Variants in BMP6 observed in about 807,000 individuals in gnomAD.
The protein encoded by BMP6 is bone morphogenetic protein 6.
A neutral mutation model predicts 54.1 loss-of-function variants in BMP6; 17 were observed. The observed-to-expected ratio is 0.31, with a 90% CI of 0.22 to 0.47. The LOEUF (loss-of-function observed/expected upper bound fraction) is 0.47, where lower values mean the gene tolerates loss of function less well. Ranked by LOEUF, BMP6 falls within the 20% of genes least tolerant of loss-of-function variation. The probability of loss-of-function intolerance (pLI) is 1.00; values close to 1 mark genes in which losing one functional copy is unlikely to be tolerated. For synonymous variants in BMP6, 328 were observed against 291.2 expected (o/e 1.13, Z -1.28); for missense variants, 720 against 690.4 (o/e 1.04, Z -0.48).
intron 1 of BMP6, among the ~76,000 whole-genome samples, chr6:7,839,626 A>G (rs979506194): frequency 6.6e-6 from 1 of 152,196 alleles, no homozygotes; most frequent in Non-Finnish European, 1.5e-5. Flanking sequence ...ATGTGGTACC[A>G]TGTGTCAGAA....
At chr6:7,854,384 T>TTA (rs1343630515) in intron 2 of BMP6, among the ~76,000 whole-genome samples, 1 of 148,474 alleles carries the variant, frequency 6.7e-6, no homozygotes, top group African/African-American at 2.5e-5. Flanking sequence ...AACATCTTTT[T>TTA]AAAAAAAAAA....
chr6:7,848,696 C>T lies in BMP6; in HGVS notation c.857+3364C>T, dbSNP rs565144126. Among the ~76,000 whole-genome samples, 4 of 152,272 alleles carry T rather than the reference C, an allele frequency of 2.6e-5. No homozygotes were observed. In the East Asian group the frequency reaches 7.7e-4, roughly 29 times the overall value. ...TTTCTGGGCAGTGGGCAAGAAGAAC[C>T]CATCAGGCTGCAACAATAGTCTGCA... is the stretch of plus-strand genomic sequence containing the variant. On this transcript the variant is annotated intron_variant, in intron 2 of 6. Transcript: ENST00000283147.
intron 2 of BMP6, among the ~76,000 whole-genome samples, chr6:7,847,742 G>A (rs1385396483): frequency 6.6e-6 from 1 of 152,106 alleles, no homozygotes; most frequent in Non-Finnish European, 1.5e-5. Context: ...GGAGGGTCAG[G>A]GAAGATTCTT....
chr6:7,807,817 C>G (rs934350859), intron 1 of BMP6, among the ~76,000 whole-genome samples: 4 of 151,880 alleles, frequency 2.6e-5, no homozygotes, highest in African/African-American at 9.7e-5. Context: ...TTCAGGTACA[C>G]TTTGAAGACA....
At chr6:7,770,892 C>A (rs368973838) in intron 1 of BMP6, among the ~76,000 whole-genome samples, 13 of 152,316 alleles carry the variant, frequency 8.5e-5, no homozygotes, top group African/African-American at 3.1e-4. Flanking sequence ...TGAGTGAATC[C>A]ATCTCTGTAG....
intron 1 of BMP6, among the ~76,000 whole-genome samples, chr6:7,788,871 G>GTTTT (rs10532545): frequency 2.4e-4 from 34 of 140,418 alleles, no homozygotes; most frequent in Middle Eastern, 7.8e-3. Context: ...TCCTATCTCT[G>GTTTT]TTTTTTTTTT....
chr6:7,871,722 G>T (rs569508249), intron 4 of BMP6, among the ~76,000 whole-genome samples: 1 of 152,354 alleles, frequency 6.6e-6, no homozygotes, highest in South Asian at 2.1e-4. Flanking sequence ...GACTGCAGCT[G>T]TGTCTGGGGA....
intron 1 of BMP6, among the ~76,000 whole-genome samples, chr6:7,739,358 T>A (rs1480116116): frequency 6.6e-6 from 1 of 152,218 alleles, no homozygotes; most frequent in Admixed American, 6.5e-5. Context: ...CCTATGCTCA[T>A]CCTTCTCCAA....
intron 1 of BMP6, among the ~76,000 whole-genome samples, chr6:7,766,988 GTTTGT>G (rs1032475892): frequency 4.5e-4 from 41 of 91,208 alleles, no homozygotes; most frequent in African/African-American, 1.8e-3. Flanking sequence ...ATGATAGTTT[GTTTGT>G]TTTTTTTTTT....
chr6:7,860,332 CA>C (rs1484931817), intron 2 of BMP6, among the ~76,000 whole-genome samples: 2 of 152,288 alleles, frequency 1.3e-5, no homozygotes, highest in East Asian at 3.9e-4. Context: ...GATATTGCAG[CA>C]AAATATTTCC....
chr6:7,799,643 C>T (rs1758240161), intron 1 of BMP6, among the ~76,000 whole-genome samples: 1 of 151,886 alleles, frequency 6.6e-6, no homozygotes, highest in South Asian at 2.1e-4. Context: ...GTAGTCCTCA[C>T]CGCTCAGCTT....
intron 1 of BMP6, among the ~76,000 whole-genome samples, chr6:7,821,336 T>G (rs1758607961): frequency 6.6e-6 from 1 of 152,168 alleles, no homozygotes; most frequent in South Asian, 2.1e-4. Flanking sequence ...GTTCTTGCAT[T>G]GTGCCCATGA....
At chr6:7,829,354 G>A (rs1486051069) in intron 1 of BMP6, among the ~76,000 whole-genome samples, 2 of 151,950 alleles carry the variant, frequency 1.3e-5, no homozygotes, top group African/African-American at 4.8e-5. Flanking sequence ...GCCAGGTAAG[G>A]GTGTATATGA....
At position 7,852,144 on chromosome 6, in the gene BMP6, G is replaced by A. The variant is rs572302753; in HGVS notation, c.857+6812G>A. Among the ~76,000 whole-genome samples the A allele has an allele frequency of 1.1e-4, 17 of 152,316 alleles. No homozygotes were observed. The South Asian group carries it at 1.7e-3, about 15-fold the overall frequency. On this transcript the variant is annotated intron_variant, in intron 2 of 6. Transcript: ENST00000283147. ...TATCTCCTTCCAGACTAGATTCAAT[G>A]TTCTTCTGTAAGGCAGACAAAATAT...
intron 1 of BMP6, among the ~76,000 whole-genome samples, chr6:7,781,819 G>A (rs1757952991): frequency 6.6e-6 from 1 of 151,578 alleles, no homozygotes; most frequent in Admixed American, 6.6e-5. Context: ...CCCCATGTCA[G>A]TGGGGGAATA....
intron 1 of BMP6, among the ~76,000 whole-genome samples, chr6:7,824,924 A>C (rs1223404296): frequency 6.6e-6 from 1 of 152,242 alleles, no homozygotes; most frequent in Non-Finnish European, 1.5e-5. Flanking sequence ...AAGGCATTTC[A>C]TACCACTGGC....
chr6:7,861,191 T>C (rs1759327727), intron 2 of BMP6, among the ~76,000 whole-genome samples: 1 of 52,902 alleles, frequency 1.9e-5, no homozygotes, highest in South Asian at 1.8e-3. Context: ...TTTGGTAAAG[T>C]TGAGAGGGTC....
chr6:7,772,332 T>C (rs1757802556), intron 1 of BMP6, among the ~76,000 whole-genome samples: 1 of 152,234 alleles, frequency 6.6e-6, no homozygotes. Context: ...GAATTATACC[T>C]GTTGGGATCT....
Position 7,861,445 on chromosome 6 carries a change from T to G in BMP6, c.858-6T>G. 6.2e-7 allele frequency: 1 copy of G among 1,613,608 alleles called. No individual in the cohort carries two copies. Among genetic ancestry groups the G allele is most frequent in the South Asian group, 1.1e-5 (1 of 90,948 alleles). ...TATTTACCAGGCCATTTTTTCTTTC[T>G]TTCAGAGACTCTGACCTGTTTTTGT... On this transcript the variant is annotated splice_region_variant and splice_polypyrimidine_tract_variant and intron_variant, in intron 2 of 6. Coordinates refer to ENST00000283147, the MANE Select transcript of BMP6 (RefSeq NM_001718.6).
Sources: gnomAD v4.1 joint callset for allele counts (sites outside exome capture counted in the v4.1 genomes callset) on GRCh38, gnomAD v4.1.1 for gene constraint, MANE v1.5 for transcripts, NCBI Gene and HGNC (gene_info 2026-07-23, HGNC 2026-07-21) for gene names.